Variants in CA13 observed in about 807,000 individuals in gnomAD.
CA13 encodes the protein carbonic anhydrase 13, also known as CA-XIII.
A neutral mutation model predicts 31.5 loss-of-function variants in CA13; 21 were observed. The observed-to-expected ratio is 0.67, with a 90% CI of 0.47 to 0.96. CA13 has a LOEUF of 0.96. Among genes scored for constraint, CA13 ranks in the 40% least tolerant of loss-of-function variants. CA13 has a pLI of 0.00. For synonymous variants in CA13, 117 were observed against 111.4 expected (o/e 1.05, Z -0.32); for missense variants, 315 against 318.9 (o/e 0.99, Z 0.09).
chr8:85,277,818 C>T (rs569374601), intron 6 of CA13, among the ~76,000 whole-genome samples: 1 of 152,122 alleles, frequency 6.6e-6, no homozygotes, highest in Non-Finnish European at 1.5e-5. Flanking sequence ...GTGACTGCTG[C>T]GTAGTACCTG....
At chr8:85,273,195 G>A (rs1807551566) in intron 6 of CA13, among the ~76,000 whole-genome samples, 1 of 152,282 alleles carries the variant, frequency 6.6e-6, no homozygotes, top group East Asian at 1.9e-4. Context: ...GAGATTTCTA[G>A]TTGCTTCATA....
intron 6 of CA13, among the ~76,000 whole-genome samples, chr8:85,273,871 C>T (rs1401650836): frequency 5.3e-5 from 8 of 151,832 alleles, no homozygotes; most frequent in Non-Finnish European, 1.0e-4. Context: ...TGGGTGCAGA[C>T]GGGCTGAGGT....
At chr8:85,255,337 A>G (rs985862965) in intron 2 of CA13, among the ~76,000 whole-genome samples, 1 of 151,076 alleles carries the variant, frequency 6.6e-6, no homozygotes, top group Non-Finnish European at 1.5e-5. Context: ...ATCTCAGCTC[A>G]CTACAACCTC....
intron 2 of CA13, among the ~76,000 whole-genome samples, chr8:85,252,596 T>C (rs952719949): frequency 6.6e-5 from 10 of 152,214 alleles, no homozygotes; most frequent in Admixed American, 6.5e-4. Context: ...CTTCAGACTA[T>C]CTACTGCCCA....
chr8:85,281,307 A>G lies in CA13; in HGVS notation c.747A>G (p.Pro249=). Residue 249 remains proline (P), a synonymous_variant, in exon 7 of 7, where the codon CCA becomes CCG. Transcript: ENST00000321764. The part of the protein sequence containing the change: ...AAFLVSNHRP[P]QPLKGRKVRA... Reference sequence around the variant, plus strand: ...TTCTGGTGAGCAATCACCGCCCACCACAGCCTCTAAAGGGCCGCAAAGTGA... The same window carrying G: ...TTCTGGTGAGCAATCACCGCCCACCGCAGCCTCTAAAGGGCCGCAAAGTGA... The G allele has an allele frequency of 1.2e-6, 2 of 1,613,656 alleles. No individual in the cohort carries two copies.
In CA13 at chr8:85,259,513, G is replaced by A. The variant is rs751236583; in HGVS notation, c.328G>A (p.Val110Ile). The A allele has an allele frequency of 1.2e-6, 2 of 1,614,052 alleles. No homozygotes were observed. The highest frequency in any genetic ancestry group is 1.7e-6 in the Non-Finnish European group (2 of 1,179,932). ...SADDHGSEHI[V>I]DGVSYAAELH... The stretch of plus-strand genomic sequence containing the variant: ...TGATGACCACGGCTCCGAGCACATA[G>A]TAGATGGAGTGAGCTATGCTGCAGA... Residue 110 changes from valine (V) to isoleucine (I), a missense_variant, in exon 3 of 7, where the codon GTA (valine) becomes ATA (isoleucine). Physicochemically the swap from Val to Ile is conservative, Grantham distance 29. Coordinates refer to ENST00000321764, the MANE Select transcript of CA13 (RefSeq NM_198584.3).
At chr8:85,268,394 G>A (rs2129987739) in intron 5 of CA13, 78 bp from the exon 6 acceptor site, 2 of 1,197,946 alleles carry the variant, frequency 1.7e-6, no homozygotes, top group Non-Finnish European at 2.4e-6. Context: ...TATAATGGAA[G>A]TACATGGATG....
intron 6 of CA13, among the ~76,000 whole-genome samples, chr8:85,276,237 CGG>C (rs1807604605): frequency 6.6e-6 from 1 of 152,196 alleles, no homozygotes; most frequent in Admixed American, 6.5e-5. Flanking sequence ...ATTTCTCGCC[CGG>C]CCTTAGCTGC....
intron 6 of CA13, among the ~76,000 whole-genome samples, chr8:85,276,312 C>T (rs1304003528): frequency 2.6e-5 from 4 of 152,226 alleles, no homozygotes; most frequent in Non-Finnish European, 5.9e-5. Context: ...TCCCCCCAAC[C>T]TCCGTGGGCT....
In CA13 at chr8:85,266,625, G is replaced by C. The variant is rs1335728169; in HGVS notation, c.372G>C (p.Trp124Cys). The C allele has an allele frequency of 1.2e-6, 2 of 1,613,814 alleles. No individual in the cohort carries two copies. The highest frequency in any genetic ancestry group is 3.3e-5 in the Admixed American group (2 of 59,984). The change falls in exon 4 of 7, where the codon TGG (tryptophan) becomes TGC (cysteine). Residue 124 changes from tryptophan (W) to cysteine (C), a missense_variant. Transcript: ENST00000321764. ...SYAAELHVVHWNSDKYPSFVE... is the reference protein window; with the variant it reads ...SYAAELHVVHCNSDKYPSFVE... The stretch of plus-strand genomic sequence containing the variant: ...CCTTTCAGCTCCATGTTGTTCACTG[G>C]AATTCAGACAAATACCCCAGCTTTG...
chr8:85,266,271 A>G (rs1468131081), intron 3 of CA13, among the ~76,000 whole-genome samples: 1 of 151,992 alleles, frequency 6.6e-6, no homozygotes, highest in Admixed American at 6.6e-5. Context: ...GCTCACTGCA[A>G]CCTCCACCTC....
At chr8:85,267,600 T>C (rs938619338) in intron 4 of CA13, among the ~76,000 whole-genome samples, 1 of 152,164 alleles carries the variant, frequency 6.6e-6, no homozygotes, top group Non-Finnish European at 1.5e-5. Flanking sequence ...GCAAAGTTTC[T>C]CTCAAGTTAA....
At chr8:85,271,328 C>T (rs1020412221) in intron 6 of CA13, among the ~76,000 whole-genome samples, 8 of 152,278 alleles carry the variant, frequency 5.3e-5, no homozygotes, top group South Asian at 2.1e-4. Flanking sequence ...TAGTGTTTTC[C>T]GGATTTTTTC....
rs1450942645 is a variant in CA13, at chr8:85,259,533, T to C, written c.348T>C (p.Ala116=). ...ACATAGTAGATGGAGTGAGCTATGCTGCAGAGGTAAGCCATAAGACATATC... is the reference window on the plus strand; with the variant it reads ...ACATAGTAGATGGAGTGAGCTATGCCGCAGAGGTAAGCCATAAGACATATC... ...SEHIVDGVSY[A]AELHVVHWNS... The change falls in exon 3 of 7, where the codon GCT becomes GCC. Residue 116 remains alanine (A), a synonymous_variant. Transcript: ENST00000321764. The C allele has an allele frequency of 6.2e-7, 1 of 1,613,206 alleles. No homozygotes were observed. Among genetic ancestry groups the C allele is most frequent in the East Asian group, 2.2e-5 (1 of 44,874 alleles).
rs1336259060 is a variant in CA13 at position 85,245,818 on chromosome 8, C to G, written c.-11C>G. On this transcript the variant is annotated 5_prime_UTR_variant, in exon 1 of 7. Coordinates refer to ENST00000321764, the MANE Select transcript of CA13 (RefSeq NM_198584.3). ...AGTCACATCTTTCTCTTCCTTCCAC[C>G]CCGAGGGACCATGTCGAGGCTCAGC... The G allele has an allele frequency of 1.9e-6, 3 of 1,613,996 alleles. No individual in the cohort carries two copies. The Admixed American group carries it at 5.0e-5, about 27-fold the overall frequency.
chr8:85,274,100 G>A (rs1190814277), intron 6 of CA13, among the ~76,000 whole-genome samples: 1 of 152,038 alleles, frequency 6.6e-6, no homozygotes, highest in Non-Finnish European at 1.5e-5. Context: ...CCTTGGGACT[G>A]AGCCTGAGGA....
In CA13 at chr8:85,281,232, G is replaced by C. The variant is rs373949259; in HGVS notation, c.672G>C (p.Leu224=). The change falls in exon 7 of 7, where the codon CTG becomes CTC. Residue 224 remains leucine (L), a splice_region_variant and synonymous_variant. Coordinates refer to ENST00000321764, the MANE Select transcript of CA13 (RefSeq NM_198584.3). ...KQPINISSQQ[L]AKFRSLLCTA... Reference sequence around the variant, plus strand: ...CTAACTCTTTTCTTCTTCTACAGCTGGCCAAATTTCGCAGTCTCCTGTGCA... The same window carrying C: ...CTAACTCTTTTCTTCTTCTACAGCTCGCCAAATTTCGCAGTCTCCTGTGCA... The C allele has an allele frequency of 6.2e-7, 1 of 1,612,820 alleles. No homozygotes were observed. Among genetic ancestry groups the C allele is most frequent in the Non-Finnish European group, 8.5e-7 (1 of 1,179,148 alleles).
chr8:85,276,872 C>T (rs912183455), intron 6 of CA13, among the ~76,000 whole-genome samples: 18 of 151,906 alleles, frequency 1.2e-4, no homozygotes, highest in Non-Finnish European at 1.9e-4. Flanking sequence ...ATACACCAAT[C>T]GGCACTCTTT....
intron 2 of CA13, among the ~76,000 whole-genome samples, chr8:85,259,191 G>C (rs1351855524): frequency 6.6e-6 from 1 of 152,124 alleles, no homozygotes; most frequent in Non-Finnish European, 1.5e-5. Flanking sequence ...CGATTTCCCA[G>C]GTGTTCCATA....
Sources: allele counts gnomAD v4.1 joint callset (sites outside exome capture counted in the v4.1 genomes callset), GRCh38; gene constraint gnomAD v4.1.1; transcripts MANE v1.5; gene names NCBI Gene and HGNC (gene_info 2026-07-23, HGNC 2026-07-21).